EPB41: variants seen among roughly 807,000 people sequenced by gnomAD.
EPB41 encodes the protein protein 4.1.
Under a neutral mutation model 108.0 loss-of-function variants are expected in EPB41, and 65 were observed. The observed-to-expected ratio is 0.60, with a 90% CI of 0.49 to 0.74. EPB41 has a LOEUF of 0.74. EPB41 is among the 30% of genes least tolerant of loss of function. The pLI is 0.00. For missense variants in EPB41, 875 were observed against 1,037.0 expected, an observed-to-expected ratio of 0.84 and a Z score of 2.15; for synonymous variants, 336 against 358.9, an observed-to-expected ratio of 0.94 and a Z score of 0.72.
intron 1 of EPB41, among the ~76,000 whole-genome samples, chr1:28,921,975 G>GTTT (rs61105878): frequency 1.5e-4 from 15 of 101,796 alleles, no homozygotes; most frequent in Middle Eastern, 4.8e-3. Context: ...CTTTTTTTTT[G>GTTT]TTTTTTTTTT....
At chr1:28,968,166 G>T (rs1318570272) in intron 1 of EPB41, among the ~76,000 whole-genome samples, 1 of 152,048 alleles carries the variant, frequency 6.6e-6, no homozygotes, top group Non-Finnish European at 1.5e-5. Context: ...ACACCATCCT[G>T]GCCAACATGG....
chr1:28,906,199 G>A lies in EPB41; in HGVS notation c.-8+18989G>A, dbSNP rs574147576. Among the ~76,000 whole-genome samples the A allele has an allele frequency of 2.4e-4, 36 of 152,286 alleles. 1 individual carries two copies. The South Asian group carries it at 7.0e-3, about 30-fold the overall frequency. Reference sequence around the variant, plus strand: ...AACTGAGGTTAGTCAAATGCTGGCTGGCCGGCTCAGAACCTGTCCTATAGT... The same window carrying A: ...AACTGAGGTTAGTCAAATGCTGGCTAGCCGGCTCAGAACCTGTCCTATAGT... On this transcript the variant is annotated intron_variant, in intron 1 of 16. Coordinates refer to the EPB41 transcript ENST00000347529.
At chr1:28,957,979 TTTA>T (rs1382595556) in intron 1 of EPB41, among the ~76,000 whole-genome samples, 2 of 152,158 alleles carry the variant, frequency 1.3e-5, no homozygotes, top group East Asian at 3.9e-4. Flanking sequence ...TTTAATTTAA[TTTA>T]TTATTATTTT....
rs1042417050 is a variant in EPB41 at position 28,890,895 on chromosome 1, G to T, written c.-8+3685G>T. The T allele has an allele frequency of 5.2e-5, 51 of 985,174 alleles. 1 individual carries two copies. The highest frequency in any genetic ancestry group is 1.0e-3 in the Middle Eastern group (2 of 1,912). 61.0% of individuals were successfully genotyped at this position (985,174 alleles called of 1,614,324 possible). On this transcript the variant is annotated intron_variant, in intron 1 of 16. Transcript: ENST00000347529. ...GGTACTGAGGTGCCCACATTGCTCA[G>T]CCCTTACCTGTGGAACTGTTTGACC...
chr1:28,901,954 G>T (rs1294531845), intron 1 of EPB41, among the ~76,000 whole-genome samples: 1 of 152,108 alleles, frequency 6.6e-6, no homozygotes, highest in African/African-American at 2.4e-5. Context: ...TTTGTTTATT[G>T]TCTCTCCTCG....
At chr1:29,074,264 T>C (rs1391160857) in intron 16 of EPB41, among the ~76,000 whole-genome samples, 1 of 152,230 alleles carries the variant, frequency 6.6e-6, no homozygotes, top group Non-Finnish European at 1.5e-5. Flanking sequence ...ACAGGAATTA[T>C]AAAATCCCAA....
At chr1:29,045,151 T>C (rs959142542) in intron 11 of EPB41, among the ~76,000 whole-genome samples, 1 of 152,216 alleles carries the variant, frequency 6.6e-6, no homozygotes, top group Non-Finnish European at 1.5e-5. Context: ...CTTAATACTT[T>C]TATTGGGATT....
At position 29,096,123 on chromosome 1, in the gene EPB41, T is replaced by G. The variant is rs919178933; in HGVS notation, c.2185-1684T>G. 5 of 983,164 alleles carry G rather than the reference T, an allele frequency of 5.1e-6. No individual in the cohort carries two copies. The Admixed American group carries it at 1.8e-4, about 36-fold the overall frequency. The allele number at this position is 983,164 out of a possible 1,614,324, so 60.9% of individuals were successfully genotyped here. A position where few individuals can be genotyped will look rare whatever the true frequency, so the allele number is the denominator to read the frequency against. Reference sequence around the variant, plus strand: ...TCATTCTCCCACTTATACCTAATCTTCTTGCTTTTGTATCTGTTCATTCAT... The same window carrying G: ...TCATTCTCCCACTTATACCTAATCTGCTTGCTTTTGTATCTGTTCATTCAT... On this transcript the variant is annotated intron_variant, in intron 16 of 20. Transcript: ENST00000343067.
intron 1 of EPB41, chr1:28,890,961 G>T: frequency 1.0e-6 from 1 of 985,488 alleles, no homozygotes; most frequent in South Asian, 4.7e-5. Context: ...TCTTGAGGCT[G>T]GGGAACTGGG....
chr1:28,969,577 A>G (rs1387839762), intron 1 of EPB41, among the ~76,000 whole-genome samples: 1 of 150,970 alleles, frequency 6.6e-6, no homozygotes, highest in Non-Finnish European at 1.5e-5. Flanking sequence ...CATCCTGGCT[A>G]ACACGGTGAA....
chr1:29,033,024 T>A, intron 8 of EPB41, 69 bp from the exon 9 acceptor site: 2 of 1,438,372 alleles, frequency 1.4e-6, no homozygotes, highest in South Asian at 2.3e-5. Flanking sequence ...CTTCAGATTA[T>A]CTAGTAATAG....
chr1:28,978,812 A>C (rs2095666256), intron 1 of EPB41, among the ~76,000 whole-genome samples: 1 of 151,266 alleles, frequency 6.6e-6, no homozygotes, highest in South Asian at 2.1e-4. Flanking sequence ...CAGCCTTTGG[A>C]CTCAAGGACT....
At chr1:28,945,954 T>C (rs2094473957) in intron 1 of EPB41, among the ~76,000 whole-genome samples, 1 of 152,138 alleles carries the variant, frequency 6.6e-6, no homozygotes. Context: ...AGCCAGAGTA[T>C]CCCAACTGTG....
intron 1 of EPB41, among the ~76,000 whole-genome samples, chr1:28,945,460 T>C (rs574034308): frequency 6.6e-6 from 1 of 152,296 alleles, no homozygotes. Flanking sequence ...GTTGAGAGGT[T>C]TTAAATAGAT....
intron 1 of EPB41, chr1:28,890,823 A>C: frequency 5.6e-4 from 435 of 772,326 alleles, no homozygotes; most frequent in South Asian, 6.5e-4. Flanking sequence ...ACTTAGGTTC[A>C]ACTCCAAAGC....
At chr1:28,951,361 T>TACACACACACAC (rs58546363) in intron 1 of EPB41, among the ~76,000 whole-genome samples, 4 of 142,946 alleles carry the variant, frequency 2.8e-5, no homozygotes, top group African/African-American at 1.0e-4. Context: ...CCCTGTGTCT[T>TACACACACACAC]ACACACACAC....
chr1:29,086,572 A>G (rs1204045611), intron 16 of EPB41, among the ~76,000 whole-genome samples: 2 of 151,980 alleles, frequency 1.3e-5, no homozygotes, highest in African/African-American at 4.8e-5. Flanking sequence ...GCGCCCGGCC[A>G]CCTTAAGATC....
At chr1:29,109,471 C>A in intron 18 of EPB41, 34 bp downstream of exon 18, 1 of 1,577,348 alleles carries the variant, frequency 6.3e-7, no homozygotes. Context: ...TTATGGAACC[C>A]AGGGGCAGGC....
At chr1:29,027,016 C>T (rs1397502313) in intron 7 of EPB41, among the ~76,000 whole-genome samples, 1 of 150,612 alleles carries the variant, frequency 6.6e-6, no homozygotes, top group African/African-American at 2.4e-5. Context: ...CACTTGAACC[C>T]AGGAGGCAGA....
Sources: allele counts gnomAD v4.1 joint callset (sites outside exome capture counted in the v4.1 genomes callset), GRCh38; gene constraint gnomAD v4.1.1; transcripts MANE v1.5; gene names NCBI Gene and HGNC (gene_info 2026-07-23, HGNC 2026-07-21).